CEP128: variants seen among roughly 807,000 people sequenced by gnomAD.
CEP128 encodes the protein centrosomal protein 128kDa.
CEP128 carries 132 observed loss-of-function variants against 156.7 expected under a neutral mutation model. That is an observed-to-expected ratio of 0.84 (90% CI 0.73 to 0.97). CEP128 has a LOEUF of 0.97. CEP128 is among the 50% of genes least tolerant of loss of function. The pLI, the probability that CEP128 is intolerant of heterozygous loss-of-function variation, is 0.00. For missense variants in CEP128, 1,252 were observed against 1,281.9 expected (o/e 0.98, Z 0.36); for synonymous variants, 469 against 448.9 (o/e 1.04, Z -0.57).
chr14:80,542,226 T>G (rs1308324670), intron 21 of CEP128, among the ~76,000 whole-genome samples: 1 of 152,214 alleles, frequency 6.6e-6, no homozygotes, highest in Non-Finnish European at 1.5e-5. Context: ...CACTGCAAAT[T>G]CCTTAAAGGC....
At chr14:80,775,188 C>T (rs1307593953) in intron 16 of CEP128, among the ~76,000 whole-genome samples, 1 of 152,144 alleles carries the variant, frequency 6.6e-6, no homozygotes, top group Non-Finnish European at 1.5e-5. Flanking sequence ...TTATTATGCC[C>T]ATTTGAAGGA....
rs143058152 is a variant in CEP128, at chr14:80,785,176, G to A, written c.1930C>T (p.Arg644Ter). 3.4e-5 allele frequency: 55 copies of A among 1,614,034 alleles called. No individual in the cohort carries two copies. The highest frequency in any genetic ancestry group is 1.3e-4 in the African/African-American group (10 of 74,926). Residue 644 changes from arginine to a stop codon, truncating the protein, a stop_gained, in exon 15 of 25, where the codon CGA becomes TGA. Coordinates refer to ENST00000555265, the MANE Select transcript of CEP128 (RefSeq NM_152446.5). LOFTEE classifies it high-confidence loss of function. The stretch of plus-strand genomic sequence containing the variant: ...GCCAATTTATTAGCAAGATCTGCTC[G>A]GATGGCACTCAGGTCCTTGATGGAC... ...QESIKDLSAI[R>*]ADLANKLAEE... is the part of the protein sequence containing the mutation.
At chr14:80,497,685 C>T (rs1259183138) in intron 24 of CEP128, 103 bp from the exon 25 acceptor site, 21 of 714,976 alleles carry the variant, frequency 2.9e-5, no homozygotes, top group African/African-American at 1.1e-4. Context: ...GGTATTTGAT[C>T]GAGTTTTCTA....
rs187190207 is a variant in CEP128, at chr14:80,637,237, C to A, written c.2807-56814G>T. ...AGCAGAATTTTGGCCCCCAAAGATA[C>A]CCATATCCCTGGAGCCATGTTATGC... is the stretch of plus-strand genomic sequence containing the variant. On this transcript the variant is annotated intron_variant, in intron 19 of 24. Transcript: ENST00000555265. Among the ~76,000 whole-genome samples the A allele has an allele frequency of 2.6e-5, 4 of 152,250 alleles. No homozygotes were observed. The East Asian group carries it at 7.7e-4, about 29-fold the overall frequency.
At chr14:80,577,352 C>T (rs576257984) in intron 20 of CEP128, among the ~76,000 whole-genome samples, 5 of 152,246 alleles carry the variant, frequency 3.3e-5, no homozygotes, top group Non-Finnish European at 7.4e-5. Context: ...TCAAATGAAC[C>T]TCCCTTAACA....
chr14:80,740,511 TAGATAGATA>T (rs1039503553), intron 19 of CEP128, among the ~76,000 whole-genome samples: 2 of 109,610 alleles, frequency 1.8e-5, no homozygotes, highest in African/African-American at 6.9e-5. Context: ...GATAGATAGA[TAGATAGATA>T]GATAGATAGA....
chr14:80,749,138 A>G (rs1595342331), intron 18 of CEP128, among the ~76,000 whole-genome samples: 1 of 152,130 alleles, frequency 6.6e-6, no homozygotes, highest in East Asian at 1.9e-4. Context: ...CAGCACTGAG[A>G]GAAACACTGC....
chr14:80,786,621 T>C (rs1017029799), intron 14 of CEP128, among the ~76,000 whole-genome samples: 1 of 152,186 alleles, frequency 6.6e-6, no homozygotes, highest in African/African-American at 2.4e-5. Context: ...GAAGTGAATT[T>C]GATTTTCAGT....
In CEP128 at chr14:80,920,554, C is replaced by T. The variant is rs1433756229; in HGVS notation, c.-15-3992G>A. 3.3e-5 allele frequency among the ~76,000 whole-genome samples: 5 copies of T among 152,236 alleles called. No homozygotes were observed. The East Asian group carries it at 9.6e-4, about 29-fold the overall frequency. On this transcript the variant is annotated intron_variant, in intron 2 of 24. Transcript: ENST00000555265. ...AAAAGAATGGTAAATAGTAATATCA[C>T]TGGCATTAATGAAAACTGACCAGGC...
intron 8 of CEP128, among the ~76,000 whole-genome samples, chr14:80,879,872 A>G (rs1035506644): frequency 3.9e-5 from 6 of 152,222 alleles, no homozygotes; most frequent in African/African-American, 1.4e-4. Context: ...TTCAAGTCAT[A>G]TTCTAATCAC....
intron 1 of CEP128, among the ~76,000 whole-genome samples, chr14:80,940,855 C>A (rs1886112962): frequency 6.6e-6 from 1 of 152,154 alleles, no homozygotes; most frequent in East Asian, 1.9e-4. Context: ...TTAGACAACA[C>A]TAATCTGCAT....
chr14:80,641,009 A>G (rs1329588902), intron 19 of CEP128, among the ~76,000 whole-genome samples: 1 of 152,148 alleles, frequency 6.6e-6, no homozygotes, highest in African/African-American at 2.4e-5. Context: ...AGCTACTTTG[A>G]AGGGCCATTA....
intron 19 of CEP128, among the ~76,000 whole-genome samples, chr14:80,696,966 A>C (rs2139339559): frequency 6.6e-6 from 1 of 152,292 alleles, no homozygotes; most frequent in East Asian, 1.9e-4. Flanking sequence ...ATGAGTGTAA[A>C]GGAACAAGTT....
rs1264299091 is a variant in CEP128, at chr14:80,484,320, C to T, written c.*311-5913G>A. ...ATACAAATTTTTCTATATGCTAGAC[C>T]TCTGGCTACTAATTATAAAATGCAT... On this transcript the variant is annotated intron_variant and NMD_transcript_variant, in intron 14 of 14. Coordinates refer to the CEP128 transcript ENST00000554502. Among the ~76,000 whole-genome samples the T allele has an allele frequency of 2.6e-5, 4 of 152,076 alleles. No individual in the cohort carries two copies. The East Asian group carries it at 5.8e-4, about 22-fold the overall frequency.
At chr14:80,835,408 C>T (rs146373613) in intron 12 of CEP128, among the ~76,000 whole-genome samples, 29 of 152,248 alleles carry the variant, frequency 1.9e-4, no homozygotes, top group Admixed American at 1.2e-3. Flanking sequence ...GCTTAGGCAA[C>T]ATATGGAGGT....
chr14:80,699,787 T>C lies in CEP128; in HGVS notation c.2806+43288A>G, dbSNP rs141951025. On this transcript the variant is annotated intron_variant, in intron 19 of 24. Coordinates refer to ENST00000555265, the MANE Select transcript of CEP128 (RefSeq NM_152446.5). ...TGATTTATCTGGAAGGTAAACCTTC[T>C]TCTACAAGACTGGACTTTCAAATTT... Among the ~76,000 whole-genome samples, 927 of 152,316 alleles carry C rather than the reference T, an allele frequency of 6.1e-3. 7 individuals carry two copies. The highest frequency in any genetic ancestry group is 0.021 in the African/African-American group (875 of 41,584).
intron 4 of CEP128, among the ~76,000 whole-genome samples, chr14:80,907,718 G>A (rs1453910675): frequency 6.7e-6 from 1 of 150,354 alleles, no homozygotes; most frequent in South Asian, 2.1e-4. Context: ...TGAGGCCCAG[G>A]AAAACCAAGG....
intron 22 of CEP128, among the ~76,000 whole-genome samples, chr14:80,528,237 T>C (rs566015682): frequency 2.3e-3 from 351 of 152,366 alleles, no homozygotes; most frequent in Non-Finnish European, 4.0e-3. Context: ...TGCTATTCCC[T>C]TTCTACCTAA....
chr14:80,915,181 A>AT (rs34851909), intron 3 of CEP128, among the ~76,000 whole-genome samples: 44 of 148,264 alleles, frequency 3.0e-4, no homozygotes, highest in African/African-American at 3.4e-4. Flanking sequence ...GCCCAGCTAA[A>AT]TTTTTTTTTT....
Sources: gnomAD v4.1 joint callset for allele counts (sites outside exome capture counted in the v4.1 genomes callset) on GRCh38, gnomAD v4.1.1 for gene constraint, MANE v1.5 for transcripts, NCBI Gene and HGNC (gene_info 2026-07-23, HGNC 2026-07-21) for gene names.